The following PTPRN2 variants were observed in gnomAD, a reference collection of about 807,000 sequenced individuals.
PTPRN2 encodes the protein protein tyrosine phosphatase receptor type N2.
Under a neutral mutation model 118.8 loss-of-function variants are expected in PTPRN2, and 74 were observed. The observed-to-expected ratio is 0.62, with a 90% CI of 0.52 to 0.76. The LOEUF (loss-of-function observed/expected upper bound fraction) is 0.76, where lower values mean the gene tolerates loss of function less well. Ranked by LOEUF, PTPRN2 falls within the 30% of genes least tolerant of loss-of-function variation. The pLI is 0.00. For missense variants in PTPRN2, 1,481 were observed against 1,394.4 expected (o/e 1.06, Z -0.99); for synonymous variants, 641 against 608.0 (o/e 1.05, Z -0.80).
chr7:158,380,822 C>T (rs1806871983), intron 2 of PTPRN2, among the ~76,000 whole-genome samples: 1 of 152,282 alleles, frequency 6.6e-6, no homozygotes, highest in Admixed American at 6.5e-5. Context: ...CATTTCCATA[C>T]ATCTTCTGAA....
chr7:158,137,018 C>T (rs1341413958), intron 7 of PTPRN2, among the ~76,000 whole-genome samples: 1 of 152,108 alleles, frequency 6.6e-6, no homozygotes. Flanking sequence ...GAGCAGTTCA[C>T]GTCATGAAAA....
At chr7:157,857,852 G>C (rs1315149064) in intron 12 of PTPRN2, 1 of 152,974 alleles carries the variant, frequency 6.5e-6, no homozygotes, top group East Asian at 1.9e-4. Context: ...CCGAGGTTGG[G>C]GGTGGAATCA....
chr7:158,278,653 C>T (rs546115573), intron 3 of PTPRN2, among the ~76,000 whole-genome samples: 42 of 152,260 alleles, frequency 2.8e-4, no homozygotes, highest in Non-Finnish European at 5.6e-4. Flanking sequence ...AATGAAGCCG[C>T]GGACCCTCGC....
intron 11 of PTPRN2, among the ~76,000 whole-genome samples, chr7:157,899,373 T>C (rs1215489497): frequency 6.6e-6 from 1 of 152,178 alleles, no homozygotes; most frequent in Non-Finnish European, 1.5e-5. Flanking sequence ...CAGATGGAAA[T>C]GAAACCCCAG....
chr7:158,214,682 C>T (rs955711875), intron 3 of PTPRN2, among the ~76,000 whole-genome samples: 1 of 152,114 alleles, frequency 6.6e-6, no homozygotes, highest in Non-Finnish European at 1.5e-5. Flanking sequence ...CTTTCATCTC[C>T]ATTGGGTTGT....
intron 3 of PTPRN2, among the ~76,000 whole-genome samples, chr7:158,286,615 T>C (rs1021478672): frequency 2.6e-5 from 4 of 152,226 alleles, no homozygotes; most frequent in Non-Finnish European, 4.4e-5. Context: ...TGAGATGATA[T>C]ATGGTTTTTA....
intron 5 of PTPRN2, among the ~76,000 whole-genome samples, chr7:158,175,444 C>A (rs1375898725): frequency 6.6e-6 from 1 of 152,126 alleles, no homozygotes; most frequent in Non-Finnish European, 1.5e-5. Context: ...TTTATTTTCT[C>A]TGTCTCTCTC....
intron 9 of PTPRN2, among the ~76,000 whole-genome samples, chr7:158,132,426 T>A (rs981533759): frequency 1.4e-5 from 2 of 145,788 alleles, no homozygotes; most frequent in Admixed American, 6.9e-5. Context: ...CGACACACAC[T>A]CATACACACA....
chr7:158,575,066 C>A (rs1828251857), intron 1 of PTPRN2, among the ~76,000 whole-genome samples: 1 of 152,200 alleles, frequency 6.6e-6, no homozygotes, highest in Admixed American at 6.5e-5. Flanking sequence ...TTTTAATAGT[C>A]TAGAAGAACT....
Position 157,725,634 on chromosome 7 carries a change from G to A in PTPRN2, c.1789-42697C>T, listed in dbSNP as rs1185028331. ...CCCAGAGGAGTGTGGCCATACCCTCGCCTCCCAGGAGAACTGGATATCTAC... is the reference window on the plus strand; with the variant it reads ...CCCAGAGGAGTGTGGCCATACCCTCACCTCCCAGGAGAACTGGATATCTAC... On this transcript the variant is annotated intron_variant, in intron 12 of 22. Coordinates refer to ENST00000389418, the MANE Select transcript of PTPRN2 (RefSeq NM_002847.5). Among the ~76,000 whole-genome samples the A allele has an allele frequency of 4.8e-4, 59 of 123,342 alleles. 3 individuals carry two copies. Among genetic ancestry groups the A allele is most frequent in the African/African-American group, 1.8e-3 (55 of 31,362 alleles). 80.9% of individuals were successfully genotyped at this position (123,342 alleles called of 152,430 possible). A position where few individuals can be genotyped will look rare whatever the true frequency, so the allele number is the denominator to read the frequency against.
intron 3 of PTPRN2, among the ~76,000 whole-genome samples, chr7:158,263,445 C>A (rs1417048510): frequency 6.6e-6 from 1 of 152,258 alleles, no homozygotes; most frequent in East Asian, 1.9e-4. Context: ...CAGGCACACA[C>A]ACACAGCCAT....
rs975942098 is a variant in PTPRN2 at position 157,619,311 on chromosome 7, A to G, written c.2344+2051T>C. Among the ~76,000 whole-genome samples the G allele has an allele frequency of 6.6e-6, 1 of 152,088 alleles. No homozygotes were observed. The highest frequency in any genetic ancestry group is 1.5e-5 in the Non-Finnish European group (1 of 68,010). ...ATGACCAGACACACAGAGACATATAATGCACGCTTACTGCATGGCTATTTA... is the reference window on the plus strand; with the variant it reads ...ATGACCAGACACACAGAGACATATAGTGCACGCTTACTGCATGGCTATTTA... On this transcript the variant is annotated intron_variant, in intron 15 of 22. Coordinates refer to ENST00000389418, the MANE Select transcript of PTPRN2 (RefSeq NM_002847.5). This position sits in a 1 kb window ranked among gnomAD's most constrained non-coding sequence, Gnocchi z 5.3.
intron 12 of PTPRN2, chr7:157,863,251 T>C (rs1297338038): frequency 6.6e-6 from 1 of 152,248 alleles, no homozygotes; most frequent in East Asian, 1.9e-4. Flanking sequence ...GATGTACGTC[T>C]GCAGGAGGGT....
intron 12 of PTPRN2, among the ~76,000 whole-genome samples, chr7:157,745,450 T>TGCGGGA (rs767927120): frequency 6.6e-6 from 1 of 151,376 alleles, no homozygotes; most frequent in Admixed American, 6.6e-5. Flanking sequence ...GAGGACAGGC[T>TGCGGGA]GTGGGAGGCA....
chr7:157,960,656 G>A (rs192807703), intron 11 of PTPRN2, among the ~76,000 whole-genome samples: 1 of 152,276 alleles, frequency 6.6e-6, no homozygotes, highest in African/African-American at 2.4e-5. Context: ...TATTACAAAT[G>A]TTGAAAAGAC....
At chr7:158,071,117 G>T (rs1462748657) in intron 11 of PTPRN2, among the ~76,000 whole-genome samples, 1 of 94,170 alleles carries the variant, frequency 1.1e-5, no homozygotes, top group Non-Finnish European at 2.2e-5. Context: ...GGTGGTGGAG[G>T]TGCCCGTGGT....
In PTPRN2 at chr7:157,831,284, C is replaced by T. The variant is rs1446090186; in HGVS notation, c.1788+67389G>A. Among the ~76,000 whole-genome samples the T allele has an allele frequency of 6.6e-6, 1 of 152,194 alleles. No individual in the cohort carries two copies. The highest frequency in any genetic ancestry group is 1.5e-5 in the Non-Finnish European group (1 of 68,026). On this transcript the variant is annotated intron_variant, in intron 12 of 22. Coordinates refer to ENST00000389418, the MANE Select transcript of PTPRN2 (RefSeq NM_002847.5). The surrounding 1 kb of genome is among the most constrained non-coding windows in gnomAD (Gnocchi z 4.8). ...GCAGGCCTGTCCCAGCGACCTGTAG[C>T]CTCATCCAGCACTGCGGCCACTCCT...
chr7:158,352,603 A>G (rs1342508554), intron 2 of PTPRN2, among the ~76,000 whole-genome samples: 1 of 152,208 alleles, frequency 6.6e-6, no homozygotes, highest in Non-Finnish European at 1.5e-5. Flanking sequence ...AGCATCGTGC[A>G]GCTAGGAATA....
At chr7:158,232,059 G>C (rs1198558204) in intron 3 of PTPRN2, among the ~76,000 whole-genome samples, 1 of 151,796 alleles carries the variant, frequency 6.6e-6, no homozygotes, top group African/African-American at 2.4e-5. Context: ...CAAGGACCAA[G>C]GAAAGCAAGA....
Sources: gnomAD v4.1 joint callset for allele counts (sites outside exome capture counted in the v4.1 genomes callset) on GRCh38, gnomAD v4.1.1 for gene constraint, Gnocchi (gnomAD v3.1) non-coding constraint, MANE v1.5 for transcripts, NCBI Gene and HGNC (gene_info 2026-07-23, HGNC 2026-07-21) for gene names.